UBE3D: variants seen among roughly 807,000 people sequenced by gnomAD.
UBE3D encodes E3 ubiquitin-protein ligase E3D.
Under a neutral mutation model 49.6 loss-of-function variants are expected in UBE3D, and 48 were observed. That is an observed-to-expected ratio of 0.97 (90% CI 0.77 to 1.23). The LOEUF is 1.23. Among genes scored for constraint, UBE3D ranks in the 50% most tolerant of loss-of-function variants. UBE3D has a pLI of 0.00. For synonymous variants in UBE3D, 189 were observed against 174.2 expected (o/e 1.08, Z -0.67); for missense variants, 452 against 468.4 (o/e 0.96, Z 0.32).
chr6:82,918,381 A>G (rs927478053), intron 9 of UBE3D, among the ~76,000 whole-genome samples: 1 of 152,102 alleles, frequency 6.6e-6, no homozygotes, highest in Non-Finnish European at 1.5e-5. Context: ...TGCTCTTCAT[A>G]TGTATGACTT....
chr6:83,011,017 A>C (rs1160264034), intron 8 of UBE3D, among the ~76,000 whole-genome samples: 2 of 152,256 alleles, frequency 1.3e-5, no homozygotes, highest in Admixed American at 6.5e-5. Flanking sequence ...ATCTCCTGAG[A>C]TCATACATAA....
intron 5 of UBE3D, among the ~76,000 whole-genome samples, chr6:83,034,099 A>T (rs1313636782): frequency 1.3e-5 from 2 of 152,192 alleles, no homozygotes; most frequent in Non-Finnish European, 1.5e-5. Context: ...ATTAATTTTT[A>T]AAATTGTCCA....
chr6:82,938,016 A>G (rs1346268925), intron 9 of UBE3D, among the ~76,000 whole-genome samples: 1 of 151,950 alleles, frequency 6.6e-6, no homozygotes, highest in African/African-American at 2.4e-5. Context: ...CAACAACCCT[A>G]TGTAATCTGA....
At chr6:83,041,504 T>C (rs1925780) in intron 4 of UBE3D, among the ~76,000 whole-genome samples, 1 of 152,214 alleles carries the variant, frequency 6.6e-6, no homozygotes, top group African/African-American at 2.4e-5. Flanking sequence ...GTGATAACGG[T>C]GTGGCTACAT....
the UBE3D span, among the ~76,000 whole-genome samples, chr6:82,881,261 G>A: frequency 2.0e-5 from 3 of 152,190 alleles, no homozygotes; most frequent in Non-Finnish European, 4.4e-5. Context: ...GCAACTGCAG[G>A]ATGCATTGGG....
chr6:82,921,631 A>T (rs1363978153), intron 9 of UBE3D, among the ~76,000 whole-genome samples: 1 of 152,200 alleles, frequency 6.6e-6, no homozygotes, highest in Admixed American at 6.5e-5. Context: ...ATGGAGGGTG[A>T]GGAGAAAGGC....
chr6:82,893,557 G>A (rs761439258), intron 9 of UBE3D, among the ~76,000 whole-genome samples: 33 of 152,198 alleles, frequency 2.2e-4, no homozygotes, highest in Non-Finnish European at 3.8e-4. Context: ...TTCAGACTAT[G>A]TAATGAGGCC....
At chr6:82,979,063 G>C (rs901615747) in intron 8 of UBE3D, among the ~76,000 whole-genome samples, 1 of 152,042 alleles carries the variant, frequency 6.6e-6, no homozygotes, top group African/African-American at 2.4e-5. Flanking sequence ...AACTGAAACA[G>C]TATATTCAAA....
At chr6:82,895,551 AC>A (rs1243122164) in intron 9 of UBE3D, among the ~76,000 whole-genome samples, 2 of 152,094 alleles carry the variant, frequency 1.3e-5, no homozygotes, top group Non-Finnish European at 2.9e-5. Flanking sequence ...GCCTTTCCTC[AC>A]CCACAAAATG....
intron 1 of UBE3D, among the ~76,000 whole-genome samples, chr6:83,058,655 G>T (rs1208753807): frequency 6.6e-6 from 1 of 152,236 alleles, no homozygotes; most frequent in East Asian, 1.9e-4. Flanking sequence ...TCCCTCTTAA[G>T]TGCAGACAGC....
At chr6:83,060,074 C>G (rs553262663) in intron 1 of UBE3D, among the ~76,000 whole-genome samples, 2 of 152,302 alleles carry the variant, frequency 1.3e-5, no homozygotes, top group African/African-American at 4.8e-5. Flanking sequence ...GGGCCCCGCC[C>G]TCAAGAACTC....
chr6:82,891,373 ATATAAACAGT>A (rs1770975403), downstream of UBE3D, among the ~76,000 whole-genome samples: 1 of 152,220 alleles, frequency 6.6e-6, no homozygotes. Flanking sequence ...CCAGACCAAG[ATATAAACAGT>A]ATTGAAGCTG....
intron 9 of UBE3D, among the ~76,000 whole-genome samples, chr6:82,915,296 A>G (rs1772837491): frequency 1.3e-5 from 2 of 152,194 alleles, no homozygotes; most frequent in African/African-American, 2.4e-5. Context: ...AGATTACAGG[A>G]GATCACAGAA....
chr6:82,899,224 C>T (rs1451711733), intron 9 of UBE3D, among the ~76,000 whole-genome samples: 3 of 152,122 alleles, frequency 2.0e-5, no homozygotes, highest in African/African-American at 7.2e-5. Flanking sequence ...AAGGACCAAA[C>T]AAAACACCAA....
chr6:83,022,641 C>T (rs1410057368), intron 6 of UBE3D, 80 bp from the exon 7 acceptor site: 6 of 991,836 alleles, frequency 6.0e-6, no homozygotes, highest in South Asian at 4.0e-5. Context: ...AATACACACA[C>T]GGTACCTAAA....
At chr6:83,065,595 C>G in intron 1 of UBE3D, 47 bp downstream of exon 1, 1 of 1,587,702 alleles carries the variant, frequency 6.3e-7, no homozygotes. Context: ...GACCCCCGGG[C>G]AGCAGTAAAG....
At chr6:83,055,338 C>T (rs903324344) in intron 2 of UBE3D, among the ~76,000 whole-genome samples, 1 of 152,200 alleles carries the variant, frequency 6.6e-6, no homozygotes, top group Non-Finnish European at 1.5e-5. Flanking sequence ...TTGTGTTTTT[C>T]TGTATGTATT....
intron 9 of UBE3D, among the ~76,000 whole-genome samples, chr6:82,953,606 TGC>T (rs1775954357): frequency 6.6e-6 from 1 of 152,214 alleles, no homozygotes; most frequent in Non-Finnish European, 1.5e-5. Context: ...ATTTTAACTG[TGC>T]CTTCATCCAC....
intron 8 of UBE3D, among the ~76,000 whole-genome samples, chr6:82,988,092 G>A (rs938196132): frequency 3.3e-5 from 5 of 152,208 alleles, no homozygotes; most frequent in African/African-American, 1.2e-4. Context: ...ATGTATGACA[G>A]TCAATAGTCT....
Sources: allele counts gnomAD v4.1 joint callset (sites outside exome capture counted in the v4.1 genomes callset), GRCh38; gene constraint gnomAD v4.1.1; transcripts MANE v1.5; gene names NCBI Gene and HGNC (gene_info 2026-07-23, HGNC 2026-07-21).